The following MMP13 variants were observed in gnomAD, a reference collection of about 807,000 sequenced individuals.
MMP13 encodes matrix metallopeptidase 13.
In MMP13, 45 loss-of-function variants were observed where a neutral mutation model predicts 52.1. The ratio of observed to expected loss-of-function variants is 0.86; its 90% CI spans 0.68 to 1.11. The LOEUF is 1.11. Among genes scored for constraint, MMP13 ranks in the 50% least tolerant of loss-of-function variants. The probability of loss-of-function intolerance (pLI) is 0.00; values close to 1 mark genes in which losing one functional copy is unlikely to be tolerated. For missense variants in MMP13, 576 were observed against 583.8 expected (o/e 0.99, Z 0.14); for synonymous variants, 200 against 204.4 (o/e 0.98, Z 0.18).
chr11:102,950,327 G>T, intron 5 of MMP13, 100 bp from the exon 6 acceptor site: 2 of 951,884 alleles, frequency 2.1e-6, no homozygotes, highest in Non-Finnish European at 3.5e-6. Flanking sequence ...AGTGGGAGAG[G>T]GTTTCTCCAG....
In MMP13 at chr11:102,948,058, G is replaced by C. The variant is rs1555016880; in HGVS notation, c.1052-8C>G. The C allele has an allele frequency of 1.2e-6, 2 of 1,612,246 alleles. No individual in the cohort carries two copies. The highest frequency in any genetic ancestry group is 3.3e-5 in the Admixed American group (2 of 59,956). On this transcript the variant is annotated splice_region_variant and splice_polypyrimidine_tract_variant and intron_variant, in intron 7 of 9. Transcript: ENST00000260302. ...GAGCCCAAAATTTTCTACCTGGAAT[G>C]AGTGAAATAACAGTTCTATTATCCA... is the stretch of plus-strand genomic sequence containing the variant.
At chr11:102,954,434 T>A (rs1192779545) in intron 3 of MMP13, 24 bp downstream of exon 3, 1 of 1,608,838 alleles carries the variant, frequency 6.2e-7, no homozygotes, top group African/African-American at 1.3e-5. Flanking sequence ...TAAAAATGTT[T>A]GTAAAATAAA....
chr11:102,944,758 C>A (rs1860469192), intron 9 of MMP13, among the ~76,000 whole-genome samples: 1 of 148,770 alleles, frequency 6.7e-6, no homozygotes, highest in Non-Finnish European at 1.5e-5. Context: ...CAGGTGCATG[C>A]CACCACTCCC....
chr11:102,950,433 C>T (rs1189576639), intron 5 of MMP13, among the ~76,000 whole-genome samples: 3 of 151,928 alleles, frequency 2.0e-5, no homozygotes, highest in Non-Finnish European at 4.4e-5. Context: ...CAAGACCTCT[C>T]GAGATTCTTT....
intron 3 of MMP13, 73 bp downstream of exon 3, chr11:102,954,385 G>T: frequency 6.3e-7 from 1 of 1,593,414 alleles, no homozygotes; most frequent in African/African-American, 1.3e-5. Context: ...ATGAATGACT[G>T]AAATAAATAA....
intron 4 of MMP13, 139 bp downstream of exon 4, chr11:102,954,017 T>C: frequency 7.4e-6 from 7 of 943,012 alleles, no homozygotes; most frequent in South Asian, 5.1e-5. Context: ...GAGACACTAA[T>C]ACATCTAAGA....
At chr11:102,953,287 C>T (rs1276687662) in intron 4 of MMP13, among the ~76,000 whole-genome samples, 1 of 152,134 alleles carries the variant, frequency 6.6e-6, no homozygotes, top group Non-Finnish European at 1.5e-5. Flanking sequence ...ACCATTCTTA[C>T]CTGTGAAATA....
rs1555016400 is a variant in MMP13 at position 102,944,322 on chromosome 11, T to A, written c.1360A>T (p.Ile454Phe). The A allele has an allele frequency of 6.2e-7, 1 of 1,613,350 alleles. No homozygotes were observed. The highest frequency in any genetic ancestry group is 2.2e-5 in the East Asian group (1 of 44,848). ...FNGPIQFEYSIWSNRIVRVMP... is the reference protein window; with the variant it reads ...FNGPIQFEYSFWSNRIVRVMP... ...ACGCGAACAATACGGTTACTCCAGA[T>A]GCTGTATTCAAACTGTATGGGTCCG... The change falls in exon 10 of 10, where the codon ATC becomes TTC. Residue 454 changes from isoleucine to phenylalanine, a missense_variant. Ile to Phe is a conservative substitution (Grantham distance 21, BLOSUM62 0). Transcript: ENST00000260302.
At chr11:102,948,832 G>C (rs1860559265) in intron 7 of MMP13, among the ~76,000 whole-genome samples, 193 bp downstream of exon 7, 1 of 152,134 alleles carries the variant, frequency 6.6e-6, no homozygotes, top group East Asian at 1.9e-4. Flanking sequence ...TAATAATGTA[G>C]ACCTTTTATA....
chr11:102,944,472 A>C (rs1860464196), intron 9 of MMP13, 106 bp from the exon 10 acceptor site: 2 of 815,482 alleles, frequency 2.5e-6, no homozygotes, highest in Non-Finnish European at 4.0e-6. Flanking sequence ...TAGGAATTTC[A>C]AACTTTTTCT....
rs782353607 is a variant in MMP13 at position 102,950,181 on chromosome 11, G to T, written c.846C>A (p.Asp282Glu). 5.6e-6 allele frequency: 9 copies of T among 1,613,740 alleles called. No homozygotes were observed. The highest frequency in any genetic ancestry group is 5.3e-5 in the African/African-American group (4 of 74,894). ...CAAGGGATAAGGAAGGGTCACATTTGTCTGGCGTTTTTGGATGTTTAGGGT... is the reference window on the plus strand; with the variant it reads ...CAAGGGATAAGGAAGGGTCACATTTTTCTGGCGTTTTTGGATGTTTAGGGT... Reference protein sequence around the residue: ...DPNPKHPKTPDKCDPSLSLDA... With the variant: ...DPNPKHPKTPEKCDPSLSLDA... Residue 282 changes from aspartate to glutamate, a missense_variant, in exon 6 of 10, where the codon GAC becomes GAA. By Grantham distance (45) the Asp-to-Glu change is conservative. Transcript: ENST00000260302.
At chr11:102,948,924 G>A in intron 7 of MMP13, 101 bp downstream of exon 7, 1 of 1,470,974 alleles carries the variant, frequency 6.8e-7, no homozygotes, top group Non-Finnish European at 9.4e-7. Flanking sequence ...TTTAATTTAG[G>A]TATATTTTCA....
Position 102,955,674 on chromosome 11 carries a change from A to C in MMP13, c.32T>G (p.Phe11Cys), listed in dbSNP as rs772208586. The C allele has an allele frequency of 1.7e-5, 27 of 1,613,990 alleles. 1 individual carries two copies. In the South Asian group the frequency reaches 2.7e-4, roughly 16 times the overall value. Residue 11 changes from phenylalanine to cysteine, a missense_variant, in exon 1 of 10, where the codon TTC (phenylalanine) becomes TGC (cysteine). Transcript: ENST00000260302. This position sits in a 1 kb window ranked among gnomAD's most constrained non-coding sequence, Gnocchi z 4.9. Reference sequence around the variant, plus strand: ...GGCCCGACAATGAGTCCAGCTCAAGAAGAGGAAGGCAGCCAGGACCCCTGG... The same window carrying C: ...GGCCCGACAATGAGTCCAGCTCAAGCAGAGGAAGGCAGCCAGGACCCCTGG... MHPGVLAAFL[F>C]LSWTHCRALP...
chr11:102,945,241 CAAA>C (rs61571704), intron 9 of MMP13: 5,451 of 612,960 alleles, frequency 8.9e-3, no homozygotes, highest in South Asian at 0.016. Flanking sequence ...GAGACTCTGT[CAAA>C]AAAAAAAAAA....
In MMP13 at chr11:102,952,183, A is replaced by G. The variant is rs1555017436; in HGVS notation, c.638-10T>C. ...AGAAACAAGTTGTAGCCTGTAAGAA[A>G]ACAAAGAAACAATGAGAAAAAAAGG... is the stretch of plus-strand genomic sequence containing the variant. On this transcript the variant is annotated splice_polypyrimidine_tract_variant and intron_variant, in intron 4 of 9. Coordinates refer to ENST00000260302, the MANE Select transcript of MMP13 (RefSeq NM_002427.4). This position sits in a 1 kb window ranked among gnomAD's most constrained non-coding sequence, Gnocchi z 4.3. 2 of 1,612,654 alleles carry G rather than the reference A, an allele frequency of 1.2e-6. No homozygotes were observed. The highest frequency in any genetic ancestry group is 1.7e-6 in the Non-Finnish European group (2 of 1,178,940).
chr11:102,950,310 GA>G (rs1860589962), intron 5 of MMP13, 83 bp from the exon 6 acceptor site: 11 of 1,083,016 alleles, frequency 1.0e-5, no homozygotes, highest in African/African-American at 1.6e-5. Flanking sequence ...CTGATCTGCT[GA>G]TGGACAGTGG....
At chr11:102,945,308 G>A in intron 9 of MMP13, 1 of 997,962 alleles carries the variant, frequency 1.0e-6, no homozygotes, top group Non-Finnish European at 1.3e-6. Flanking sequence ...AGGTAGTTAT[G>A]AGTCTTTATA....
At position 102,949,935 on chromosome 11, in the gene MMP13, G is replaced by A. The variant is rs2134517855; in HGVS notation, c.917+175C>T. On this transcript the variant is annotated intron_variant, in intron 6 of 9. Coordinates refer to ENST00000260302, the MANE Select transcript of MMP13 (RefSeq NM_002427.4). This position sits in a 1 kb window ranked among gnomAD's most constrained non-coding sequence, Gnocchi z 4.2. ...CAATGTCAAGGTTATACGTTGAAAAGTAAAACATTTATCCATCAGTCATTT... is the reference window on the plus strand; with the variant it reads ...CAATGTCAAGGTTATACGTTGAAAAATAAAACATTTATCCATCAGTCATTT... Among the ~76,000 whole-genome samples the A allele has an allele frequency of 6.6e-6, 1 of 152,284 alleles. No homozygotes were observed. Among genetic ancestry groups the A allele is most frequent in the Admixed American group, 6.5e-5 (1 of 15,300 alleles).
Position 102,954,379 on chromosome 11 carries a change from A to G in MMP13, c.511+79T>C, listed in dbSNP as rs1860662497. On this transcript the variant is annotated intron_variant, in intron 3 of 9. Coordinates refer to ENST00000260302, the MANE Select transcript of MMP13 (RefSeq NM_002427.4). ...TGTTGAATTCTTTAAAAAGTAATGA[A>G]TGACTGAAATAAATAATTTTAAAAT... The G allele has an allele frequency of 4.4e-6, 7 of 1,595,508 alleles. No individual in the cohort carries two copies. The East Asian group carries it at 1.6e-4, about 36-fold the overall frequency.
Sources: allele counts gnomAD v4.1 joint callset (sites outside exome capture counted in the v4.1 genomes callset), GRCh38; gene constraint gnomAD v4.1.1; non-coding constraint Gnocchi (gnomAD v3.1); transcripts MANE v1.5; gene names NCBI Gene and HGNC (gene_info 2026-07-23, HGNC 2026-07-21).